The following THSD7B variants were observed in gnomAD, a reference collection of about 807,000 sequenced individuals.
THSD7B encodes thrombospondin type 1 domain containing 7B, also known as thrombospondin type-1 domain-containing protein 7B.
THSD7B carries 138 observed loss-of-function variants against 213.6 expected under a neutral mutation model. The ratio of observed to expected loss-of-function variants is 0.65; its 90% CI spans 0.56 to 0.74. The LOEUF (loss-of-function observed/expected upper bound fraction) is 0.74, where lower values mean the gene tolerates loss of function less well. THSD7B is among the 30% of genes least tolerant of loss of function. THSD7B has a pLI of 0.00. For missense variants in THSD7B, 1,931 were observed against 1,991.5 expected (o/e 0.97, Z 0.58); for synonymous variants, 742 against 687.0 (o/e 1.08, Z -1.25).
chr2:137,425,371 C>T (rs1687031560), intron 14 of THSD7B, among the ~76,000 whole-genome samples: 1 of 151,884 alleles, frequency 6.6e-6, no homozygotes, highest in African/African-American at 2.4e-5. Flanking sequence ...CATGCACCAC[C>T]ACGCCCAGCT....
intron 12 of THSD7B, among the ~76,000 whole-genome samples, chr2:137,337,502 A>T (rs1684665485): frequency 6.6e-6 from 1 of 152,174 alleles, no homozygotes; most frequent in Non-Finnish European, 1.5e-5. Context: ...CACTTTGTTT[A>T]TGTTGTGTCT....
At chr2:137,208,511 G>A (rs1224476411) in intron 7 of THSD7B, among the ~76,000 whole-genome samples, 1 of 152,004 alleles carries the variant, frequency 6.6e-6, no homozygotes, top group East Asian at 1.9e-4. Flanking sequence ...TTACATTCCA[G>A]CCTTTGTACA....
intron 1 of THSD7B, among the ~76,000 whole-genome samples, chr2:136,841,269 ATTCAG>A (rs1339808063): frequency 6.6e-6 from 1 of 152,138 alleles, no homozygotes; most frequent in Non-Finnish European, 1.5e-5. Context: ...TGTTTAATAT[ATTCAG>A]TTTTAAAGGT....
At chr2:137,027,264 G>A (rs942242272) in intron 2 of THSD7B, among the ~76,000 whole-genome samples, 3 of 152,144 alleles carry the variant, frequency 2.0e-5, no homozygotes, top group Non-Finnish European at 4.4e-5. Flanking sequence ...TTCTCGCTTA[G>A]AGAGCAGTCT....
At chr2:137,067,395 T>C (rs1687402264) in intron 3 of THSD7B, among the ~76,000 whole-genome samples, 1 of 152,030 alleles carries the variant, frequency 6.6e-6, no homozygotes, top group African/African-American at 2.4e-5. Context: ...TCTCCTTTGG[T>C]GTCCTTGTTT....
intron 1 of THSD7B, among the ~76,000 whole-genome samples, chr2:136,822,587 T>G (rs972855834): frequency 6.6e-6 from 1 of 152,216 alleles, no homozygotes; most frequent in Non-Finnish European, 1.5e-5. Flanking sequence ...GCTATTACAT[T>G]ATACAGCAGG....
At chr2:137,159,592 C>T (rs1316557683) in intron 5 of THSD7B, among the ~76,000 whole-genome samples, 1 of 152,152 alleles carries the variant, frequency 6.6e-6, no homozygotes. Context: ...TGCAGGTGCA[C>T]ACCAGGAAGA....
At chr2:137,171,621 C>T (rs1284439053) in intron 7 of THSD7B, among the ~76,000 whole-genome samples, 4 of 152,072 alleles carry the variant, frequency 2.6e-5, no homozygotes, top group Admixed American at 2.6e-4. Context: ...ATTTCAGTAC[C>T]TTGGAAGAAT....
chr2:137,558,414 C>T (rs903282172), intron 15 of THSD7B, among the ~76,000 whole-genome samples: 3 of 152,096 alleles, frequency 2.0e-5, no homozygotes, highest in African/African-American at 7.2e-5. Context: ...TCAACATATG[C>T]AAATCAATAA....
chr2:137,487,518 C>A (rs1688487545), intron 15 of THSD7B, among the ~76,000 whole-genome samples: 4 of 151,176 alleles, frequency 2.6e-5, no homozygotes, highest in Admixed American at 2.6e-4. Flanking sequence ...TTTAATGAAT[C>A]CAGGAGCTGG....
intron 1 of THSD7B, among the ~76,000 whole-genome samples, chr2:136,812,390 A>G (rs1682389787): frequency 6.6e-6 from 1 of 152,234 alleles, no homozygotes; most frequent in Non-Finnish European, 1.5e-5. Flanking sequence ...TTGCTAATTG[A>G]CAATAAGATA....
chr2:137,621,400 T>G (rs1682517341), intron 20 of THSD7B, among the ~76,000 whole-genome samples: 1 of 152,204 alleles, frequency 6.6e-6, no homozygotes. Context: ...CACATAATGT[T>G]GTAAAGGAAA....
intron 15 of THSD7B, among the ~76,000 whole-genome samples, chr2:137,485,550 T>C (rs1385704239): frequency 6.6e-6 from 1 of 152,038 alleles, no homozygotes; most frequent in Non-Finnish European, 1.5e-5. Context: ...ACGGGGAGAA[T>C]GGAACCAAGT....
intron 1 of THSD7B, among the ~76,000 whole-genome samples, chr2:136,796,492 A>C (rs13424315): frequency 0.14 from 21,697 of 151,962 alleles, 2,047 homozygotes; most frequent in African/African-American, 0.25. Context: ...AAACTAGACT[A>C]GCTCTACCAA....
At chr2:136,773,390 T>C (rs1027299793) in intron 1 of THSD7B, among the ~76,000 whole-genome samples, 1 of 152,098 alleles carries the variant, frequency 6.6e-6, no homozygotes, top group Non-Finnish European at 1.5e-5. Context: ...GTACAGGTCC[T>C]TAGAAATTGA....
At chr2:137,507,339 C>A (rs562486211) in intron 15 of THSD7B, among the ~76,000 whole-genome samples, 1 of 152,276 alleles carries the variant, frequency 6.6e-6, no homozygotes, top group East Asian at 1.9e-4. Context: ...ATTTTTAGAA[C>A]ATAAATCATA....
At chr2:137,282,677 C>A (rs1683057443) in intron 12 of THSD7B, among the ~76,000 whole-genome samples, 3 of 152,234 alleles carry the variant, frequency 2.0e-5, no homozygotes, top group South Asian at 4.2e-4. Flanking sequence ...TTCCCCATTG[C>A]TTGTTTTTGT....
At chr2:136,944,227 T>C (rs1684884882) in intron 2 of THSD7B, among the ~76,000 whole-genome samples, 1 of 152,252 alleles carries the variant, frequency 6.6e-6, no homozygotes, top group Non-Finnish European at 1.5e-5. Flanking sequence ...TCTAATTTGA[T>C]TGCACTGTGG....
At chr2:137,487,378 A>AC (rs1688477352) in intron 15 of THSD7B, among the ~76,000 whole-genome samples, 1 of 139,190 alleles carries the variant, frequency 7.2e-6, no homozygotes, top group Non-Finnish European at 1.5e-5. Flanking sequence ...CCGTCTCAAA[A>AC]AAAAAAAAAA....
Sources: allele counts gnomAD v4.1 joint callset (sites outside exome capture counted in the v4.1 genomes callset), GRCh38; gene constraint gnomAD v4.1.1; transcripts MANE v1.5; gene names NCBI Gene and HGNC (gene_info 2026-07-23, HGNC 2026-07-21).